LDHC: variants seen among roughly 807,000 people sequenced by gnomAD.
LDHC encodes lactate dehydrogenase C, also known as L-lactate dehydrogenase C chain.
A neutral mutation model predicts 30.2 loss-of-function variants in LDHC; 20 were observed. The ratio of observed to expected loss-of-function variants is 0.66; its 90% confidence interval spans 0.47 to 0.96. LDHC has a LOEUF of 0.96. Among genes scored for constraint, LDHC ranks in the 40% least tolerant of loss-of-function variants. The pLI, the probability that LDHC is intolerant of heterozygous loss-of-function variation, is 0.00. For missense variants in LDHC, 362 were observed against 394.9 expected (o/e 0.92, Z 0.71); for synonymous variants, 139 against 132.7 (o/e 1.05, Z -0.32).
chr11:18,421,618 A>G (rs942047370), intron 3 of LDHC, among the ~76,000 whole-genome samples: 3 of 151,928 alleles, frequency 2.0e-5, no homozygotes. Context: ...GGTGGCAGTG[A>G]GCAGAGATCA....
At chr11:18,439,018 A>G (rs1464785000) in intron 6 of LDHC, among the ~76,000 whole-genome samples, 2 of 152,228 alleles carry the variant, frequency 1.3e-5, no homozygotes, top group Non-Finnish European at 2.9e-5. Flanking sequence ...TATAGAACCT[A>G]CTTTACATAA....
chr11:18,440,195 T>C (rs1404289419), intron 6 of LDHC, among the ~76,000 whole-genome samples: 1 of 147,464 alleles, frequency 6.8e-6, no homozygotes, highest in Non-Finnish European at 1.5e-5. Context: ...GCCCCTGTAA[T>C]CCCAGCTACT....
chr11:18,450,114 C>T (rs112396706), intron 7 of LDHC: 2,666 of 151,256 alleles, frequency 0.018, 39 homozygotes, highest in South Asian at 0.061. Flanking sequence ...ATTGAGTTTT[C>T]CTATCTTCCA....
chr11:18,439,703 G>C (rs948275801), intron 6 of LDHC, among the ~76,000 whole-genome samples: 7 of 150,750 alleles, frequency 4.6e-5, no homozygotes. Flanking sequence ...GGCCAGGCAT[G>C]GTGGCTCACG....
intron 4 of LDHC, among the ~76,000 whole-genome samples, chr11:18,433,627 C>T (rs1447197229): frequency 2.0e-5 from 3 of 152,180 alleles, no homozygotes; most frequent in Admixed American, 6.5e-5. Flanking sequence ...GATAGGGCCA[C>T]AATCCTTTCT....
intron 3 of LDHC, among the ~76,000 whole-genome samples, chr11:18,427,330 G>T (rs1185905820): frequency 2.6e-5 from 4 of 152,144 alleles, no homozygotes; most frequent in Non-Finnish European, 5.9e-5. Context: ...ACTCCAGCTT[G>T]GGCGACAGAG....
intron 2 of LDHC, among the ~76,000 whole-genome samples, chr11:18,414,781 T>C (rs1245966689): frequency 6.6e-6 from 1 of 152,162 alleles, no homozygotes; most frequent in Non-Finnish European, 1.5e-5. Flanking sequence ...TGCCCGAGAT[T>C]GTGCCACTGC....
intron 4 of LDHC, among the ~76,000 whole-genome samples, chr11:18,433,446 T>G (rs1848303844): frequency 6.6e-6 from 1 of 152,112 alleles, no homozygotes; most frequent in South Asian, 2.1e-4. Context: ...CAGGATTTGT[T>G]TCAAGATTTA....
chr11:18,444,449 C>T (rs553142376), intron 6 of LDHC, among the ~76,000 whole-genome samples: 89 of 151,612 alleles, frequency 5.9e-4, no homozygotes, highest in African/African-American at 1.8e-3. Flanking sequence ...TACTTACCCC[C>T]GGAGTCTTGG....
intron 5 of LDHC, among the ~76,000 whole-genome samples, chr11:18,436,140 G>T (rs12293002): frequency 0.12 from 18,271 of 152,088 alleles, 1,571 homozygotes; most frequent in African/African-American, 0.24. Context: ...TTCAGCCAGA[G>T]CCTTACTTTG....
chr11:18,428,538 C>G (rs1848205789), intron 3 of LDHC, among the ~76,000 whole-genome samples: 2 of 151,984 alleles, frequency 1.3e-5, no homozygotes, highest in Admixed American at 1.3e-4. Context: ...TTTTTTACAT[C>G]CACATGGTAG....
At chr11:18,441,295 G>C (rs61882879) in intron 6 of LDHC, among the ~76,000 whole-genome samples, 5,415 of 151,986 alleles carry the variant, frequency 0.036, 160 homozygotes, top group Non-Finnish European at 0.056. Context: ...TAGCATATCA[G>C]TATCTTCTTT....
chr11:18,412,973 CCCTCCCTCCCTCCCTT>C (rs1866921843), intron 2 of LDHC, 130 bp downstream of exon 2: 2 of 431,948 alleles, frequency 4.6e-6, no homozygotes, highest in African/African-American at 2.1e-5. Context: ...TTTCCTCCCT[CCCTCCCTCCCTCCCTT>C]CCTTCCTTCC....
At chr11:18,436,481 G>GTTTTTTTTTTTTTTTTTTTT in intron 5 of LDHC, among the ~76,000 whole-genome samples, 1 of 108,186 alleles carries the variant, frequency 9.2e-6, no homozygotes, top group Non-Finnish European at 1.7e-5. Context: ...ATAATACAAA[G>GTTTTTTTTTTTTTTTTTTTT]TTTTTTTTTT....
At chr11:18,417,443 G>T (rs949829705) in intron 3 of LDHC, among the ~76,000 whole-genome samples, 4 of 152,188 alleles carry the variant, frequency 2.6e-5, no homozygotes, top group Non-Finnish European at 5.9e-5. Context: ...CACCAGGCTG[G>T]AGTGCAGTGG....
chr11:18,449,993 G>A (rs1008829802), intron 7 of LDHC: 1 of 151,630 alleles, frequency 6.6e-6, no homozygotes, highest in East Asian at 1.9e-4. Flanking sequence ...GAGGGGTAAA[G>A]AGTGATGAGT....
chr11:18,449,872 C>T (rs1590238665), intron 7 of LDHC, among the ~76,000 whole-genome samples: 1 of 152,112 alleles, frequency 6.6e-6, no homozygotes. Context: ...GCTCCAGAGT[C>T]AAGGAGCCTC....
At chr11:18,429,550 G>A (rs1401308475) in intron 3 of LDHC, among the ~76,000 whole-genome samples, 187 bp from the exon 4 acceptor site, 1 of 152,136 alleles carries the variant, frequency 6.6e-6, no homozygotes, top group Non-Finnish European at 1.5e-5. Context: ...AATTTGGCAA[G>A]TCATAGTGAC....
chr11:18,414,000 A>G lies in LDHC; in HGVS notation c.126+1157A>G, dbSNP rs370713116. 5.9e-5 allele frequency among the ~76,000 whole-genome samples: 9 copies of G among 152,190 alleles called. 1 individual carries two copies. In the East Asian group the frequency reaches 1.2e-3, roughly 19 times the overall value. ...ACACATATCAAGACATAGTCTTTGTATATCTTGGTTTAGATTTTCTCTGTT... is the reference window on the plus strand; with the variant it reads ...ACACATATCAAGACATAGTCTTTGTGTATCTTGGTTTAGATTTTCTCTGTT... On this transcript the variant is annotated intron_variant, in intron 2 of 7. Coordinates refer to ENST00000541669, the MANE Select transcript of LDHC (RefSeq NM_017448.5).
Sources: allele counts gnomAD v4.1 joint callset (sites outside exome capture counted in the v4.1 genomes callset), GRCh38; gene constraint gnomAD v4.1.1; transcripts MANE v1.5; gene names NCBI Gene and HGNC (gene_info 2026-07-23, HGNC 2026-07-21).